The following GRM1 variants were observed in gnomAD, a reference collection of about 807,000 sequenced individuals.
The protein encoded by GRM1 is metabotropic glutamate receptor 1.
Under a neutral mutation model 90.9 loss-of-function variants are expected in GRM1, and 33 were observed. That is an observed-to-expected ratio of 0.36 (90% CI 0.28 to 0.49). The LOEUF (loss-of-function observed/expected upper bound fraction) is 0.49, where lower values mean the gene tolerates loss of function less well. Ranked by LOEUF, GRM1 falls within the 20% of genes least tolerant of loss-of-function variation. The probability of loss-of-function intolerance (pLI) is 0.99; values close to 1 mark genes in which losing one functional copy is unlikely to be tolerated. For synonymous variants in GRM1, 700 were observed against 613.2 expected (o/e 1.14, Z -2.09); for missense variants, 1,190 against 1,534.3 (o/e 0.78, Z 3.75).
chr6:146,227,682 T>G (rs1174176183), intron 2 of GRM1, among the ~76,000 whole-genome samples: 1 of 152,152 alleles, frequency 6.6e-6, no homozygotes, highest in Non-Finnish European at 1.5e-5. Flanking sequence ...ACCAATTAAA[T>G]AAATTGCAAC....
intron 2 of GRM1, among the ~76,000 whole-genome samples, chr6:146,178,748 C>T (rs1255939926): frequency 6.6e-6 from 1 of 152,090 alleles, no homozygotes; most frequent in Admixed American, 6.5e-5. Flanking sequence ...TTTAAAATTT[C>T]TCATTTAGTA....
intron 2 of GRM1, among the ~76,000 whole-genome samples, chr6:146,259,734 G>A (rs1461461994): frequency 6.6e-6 from 1 of 151,832 alleles, no homozygotes; most frequent in African/African-American, 2.4e-5. Flanking sequence ...CTATATCTTG[G>A]CTATTGTGAA....
At chr6:146,028,137 G>C (rs763232161), upstream of GRM1, among the ~76,000 whole-genome samples, 11 of 152,172 alleles carry the variant, frequency 7.2e-5, no homozygotes, top group South Asian at 2.1e-4. Context: ...TGGCGCCTCT[G>C]TCCCCAAGCG....
At chr6:146,190,350 A>G (rs1778893651) in intron 2 of GRM1, among the ~76,000 whole-genome samples, 1 of 152,330 alleles carries the variant, frequency 6.6e-6, no homozygotes, top group South Asian at 2.1e-4. Context: ...AAACATTTTG[A>G]ACTAGTAAAC....
At chr6:146,402,404 C>T (rs1777190484) in intron 7 of GRM1, among the ~76,000 whole-genome samples, 1 of 152,066 alleles carries the variant, frequency 6.6e-6, no homozygotes, top group Non-Finnish European at 1.5e-5. Context: ...AATCTCAATG[C>T]TATGTTTTTA....
At chr6:146,383,323 T>G (rs541201732) in intron 5 of GRM1, among the ~76,000 whole-genome samples, 4 of 152,134 alleles carry the variant, frequency 2.6e-5, no homozygotes, top group Non-Finnish European at 5.9e-5. Flanking sequence ...TTTAGCATTA[T>G]TGTCTTTTGA....
intron 7 of GRM1, among the ~76,000 whole-genome samples, chr6:146,420,140 C>T (rs1455852542): frequency 4.6e-5 from 7 of 152,186 alleles, no homozygotes; most frequent in Non-Finnish European, 1.0e-4. Context: ...AAATAGGTTT[C>T]CATGGAGTTC....
At chr6:146,071,021 T>C (rs1360944308) in intron 1 of GRM1, among the ~76,000 whole-genome samples, 2 of 152,166 alleles carry the variant, frequency 1.3e-5, no homozygotes, top group Admixed American at 6.6e-5. Flanking sequence ...GGGAATCACT[T>C]GCTTTTTGTG....
intron 1 of GRM1, among the ~76,000 whole-genome samples, chr6:146,133,485 G>T (rs1426201462): frequency 1.3e-5 from 2 of 152,146 alleles, no homozygotes; most frequent in Non-Finnish European, 2.9e-5. Flanking sequence ...TTCCATTCTG[G>T]TTCTTTGTGA....
In GRM1 at chr6:146,159,419, T is replaced by C; in HGVS notation, c.772T>C (p.Ser258Pro). 1 of 1,614,182 alleles carries C rather than the reference T, an allele frequency of 6.2e-7. No individual in the cohort carries two copies. Among genetic ancestry groups the C allele is most frequent in the Non-Finnish European group, 8.5e-7 (1 of 1,180,016 alleles). The change falls in exon 2 of 8, where the codon TCT becomes CCT. Residue 258 changes from serine (S) to proline (P), a missense_variant. Physicochemically the swap from Ser to Pro is moderately conservative, Grantham distance 74. Transcript: ENST00000282753. The stretch of plus-strand genomic sequence containing the variant: ...CCAGGAAGGCCTCTGTATCGCCCAT[T>C]CTGACAAAATCTACAGCAACGCTGG... ...AAQEGLCIAH[S>P]DKIYSNAGEK...
intron 2 of GRM1, chr6:146,160,026 A>G: frequency 6.0e-6 from 1 of 167,278 alleles, no homozygotes; most frequent in Non-Finnish European, 1.3e-5. Context: ...TGTTTGGCAG[A>G]ATATGTCTTG....
chr6:146,224,888 T>A (rs148405778), intron 2 of GRM1, among the ~76,000 whole-genome samples: 149 of 152,276 alleles, frequency 9.8e-4, no homozygotes, highest in African/African-American at 3.3e-3. Context: ...TTAGTATCAA[T>A]CCTCTGTAAA....
At chr6:146,252,536 C>A (rs941619989) in intron 2 of GRM1, among the ~76,000 whole-genome samples, 1 of 151,940 alleles carries the variant, frequency 6.6e-6, no homozygotes, top group Non-Finnish European at 1.5e-5. Flanking sequence ...TGTTTGAACC[C>A]GGGAGGCAGA....
chr6:146,227,091 T>C (rs371198433), intron 2 of GRM1, among the ~76,000 whole-genome samples: 1 of 152,126 alleles, frequency 6.6e-6, no homozygotes, highest in Admixed American at 6.6e-5. Context: ...CATTTATCTA[T>C]CTTTAGTGCA....
chr6:146,165,373 G>A (rs1036547711), intron 2 of GRM1, among the ~76,000 whole-genome samples: 1 of 151,930 alleles, frequency 6.6e-6, no homozygotes, highest in African/African-American at 2.4e-5. Context: ...TAAAATATGA[G>A]TTATTTTAGT....
intron 2 of GRM1, among the ~76,000 whole-genome samples, chr6:146,168,453 G>T (rs1037390751): frequency 6.6e-6 from 1 of 151,698 alleles, no homozygotes; most frequent in Non-Finnish European, 1.5e-5. Context: ...AAAATACATT[G>T]TTATTTTTGC....
chr6:146,309,218 G>A (rs894971493), intron 3 of GRM1, among the ~76,000 whole-genome samples: 3 of 152,016 alleles, frequency 2.0e-5, no homozygotes, highest in East Asian at 1.9e-4. Context: ...GGCCAACATG[G>A]TGAAGCCCCA....
chr6:146,364,627 T>C (rs1006379031), intron 5 of GRM1, among the ~76,000 whole-genome samples: 1 of 152,134 alleles, frequency 6.6e-6, no homozygotes, highest in African/African-American at 2.4e-5. Flanking sequence ...AATGAATACC[T>C]CTCTTTTGTT....
chr6:146,185,972 A>G (rs1043464958), intron 2 of GRM1, among the ~76,000 whole-genome samples: 2 of 151,556 alleles, frequency 1.3e-5, no homozygotes, highest in Non-Finnish European at 2.9e-5. Flanking sequence ...ATTTTGAGAC[A>G]GAGTCTTGCC....
Sources: allele counts gnomAD v4.1 joint callset (sites outside exome capture counted in the v4.1 genomes callset), GRCh38; gene constraint gnomAD v4.1.1; transcripts MANE v1.5; gene names NCBI Gene and HGNC (gene_info 2026-07-23, HGNC 2026-07-21).